The following CACNA2D1 variants were observed in gnomAD, a reference collection of about 807,000 sequenced individuals.
The protein encoded by CACNA2D1 is calcium voltage-gated channel auxiliary subunit alpha2delta 1.
In CACNA2D1, 53 loss-of-function variants were observed where a neutral mutation model predicts 171.5. The observed-to-expected ratio is 0.31, with a 90% CI of 0.25 to 0.39. The LOEUF (loss-of-function observed/expected upper bound fraction) is 0.39. CACNA2D1 is among the 10% of genes least tolerant of loss of function. The pLI, the probability that CACNA2D1 is intolerant of heterozygous loss-of-function variation, is 1.00. For missense variants in CACNA2D1, 903 were observed against 1,299.8 expected (o/e 0.69, Z 4.69); for synonymous variants, 442 against 443.1 (o/e 1.00, Z 0.03).
At chr7:82,072,327 T>G (rs1481685577) in intron 7 of CACNA2D1, among the ~76,000 whole-genome samples, 4 of 152,092 alleles carry the variant, frequency 2.6e-5, no homozygotes, top group Non-Finnish European at 4.4e-5. Context: ...ATCAAAATTA[T>G]ATACCTGCTA....
At chr7:82,048,436 T>G (rs998479901) in intron 10 of CACNA2D1, among the ~76,000 whole-genome samples, 1 of 152,146 alleles carries the variant, frequency 6.6e-6, no homozygotes, top group African/African-American at 2.4e-5. Context: ...AGTTTAGAAC[T>G]TATACAAATT....
chr7:82,353,869 A>G (rs1341629699), intron 1 of CACNA2D1, among the ~76,000 whole-genome samples: 1 of 152,114 alleles, frequency 6.6e-6, no homozygotes, highest in East Asian at 1.9e-4. Flanking sequence ...AGGAGAGAAC[A>G]TGTAATTTAT....
chr7:81,957,055 T>C (rs1163833352), intron 38 of CACNA2D1, among the ~76,000 whole-genome samples: 1 of 152,084 alleles, frequency 6.6e-6, no homozygotes, highest in African/African-American at 2.4e-5. Flanking sequence ...GTTATTTAAG[T>C]CAGATTTATT....
At chr7:81,964,172 C>A in intron 33 of CACNA2D1, 35 bp downstream of exon 33, 3 of 1,611,682 alleles carry the variant, frequency 1.9e-6, no homozygotes, top group Non-Finnish European at 2.5e-6. Flanking sequence ...CTTGAGTACC[C>A]CTTGAGAATT....
intron 1 of CACNA2D1, among the ~76,000 whole-genome samples, chr7:82,364,225 A>C (rs1413359363): frequency 1.3e-5 from 2 of 152,154 alleles, no homozygotes; most frequent in Non-Finnish European, 2.9e-5. Context: ...GTCAAAAAGA[A>C]AAAAAAAGTT....
At chr7:82,345,029 T>G (rs186276814) in intron 2 of CACNA2D1, among the ~76,000 whole-genome samples, 1 of 152,278 alleles carries the variant, frequency 6.6e-6, no homozygotes, top group Non-Finnish European at 1.5e-5. Flanking sequence ...TCTTGCTGAT[T>G]CCCTAGTCAG....
chr7:82,196,967 C>T (rs1429180672), intron 3 of CACNA2D1, among the ~76,000 whole-genome samples: 2 of 151,936 alleles, frequency 1.3e-5, no homozygotes, highest in African/African-American at 2.4e-5. Flanking sequence ...AGATTTTACA[C>T]TCTTCAATTT....
At position 82,012,135 on chromosome 7, in the gene CACNA2D1, G is replaced by C; in HGVS notation, c.1362+19C>G. On this transcript the variant is annotated intron_variant, in intron 15 of 38. Coordinates refer to ENST00000356860, the MANE Select transcript of CACNA2D1 (RefSeq NM_000722.4). ...GCTTTTGTTATGACAGTCTTTGACT[G>C]AATAGCTCAACCTCTTACCAATGCA... The C allele has an allele frequency of 5.8e-6, 8 of 1,387,460 alleles. No homozygotes were observed. Among genetic ancestry groups the C allele is most frequent in the Non-Finnish European group, 8.2e-6 (8 of 973,850 alleles). The allele number at this position is 1,387,460 out of a possible 1,614,324, so 85.9% of individuals were successfully genotyped here.
In CACNA2D1 at chr7:82,125,268, T is replaced by G. The variant is rs960828718; in HGVS notation, c.397-8095A>C. Among the ~76,000 whole-genome samples the G allele has an allele frequency of 3.9e-5, 6 of 152,334 alleles. No homozygotes were observed. The South Asian group carries it at 6.2e-4, about 16-fold the overall frequency. On this transcript the variant is annotated intron_variant, in intron 5 of 38. Transcript: ENST00000356860. ...ATGGGAATTCTAGGTTGAACTTACTTCATTTGAATTTTAGACAGATCTTGG... is the reference window on the plus strand; with the variant it reads ...ATGGGAATTCTAGGTTGAACTTACTGCATTTGAATTTTAGACAGATCTTGG...
intron 1 of CACNA2D1, among the ~76,000 whole-genome samples, chr7:82,385,691 ATCTC>A (rs1321931074): frequency 2.1e-5 from 3 of 139,794 alleles, no homozygotes; most frequent in African/African-American, 5.9e-5. Context: ...TTGAGACAGA[ATCTC>A]TCTCTGTCGC....
chr7:82,402,204 T>C (rs2129451934), intron 1 of CACNA2D1, among the ~76,000 whole-genome samples: 1 of 152,252 alleles, frequency 6.6e-6, no homozygotes, highest in South Asian at 2.1e-4. Context: ...AGGAACAGCA[T>C]ATGCAAAGTC....
intron 3 of CACNA2D1, among the ~76,000 whole-genome samples, chr7:82,305,265 T>A (rs1813574221): frequency 6.6e-6 from 1 of 152,136 alleles, no homozygotes; most frequent in Non-Finnish European, 1.5e-5. Flanking sequence ...TTAAAGTAAA[T>A]ATATAGAAAT....
chr7:82,309,096 C>T (rs1047964505), intron 3 of CACNA2D1, among the ~76,000 whole-genome samples: 1 of 152,056 alleles, frequency 6.6e-6, no homozygotes, highest in African/African-American at 2.4e-5. Context: ...CTTTGGTAAA[C>T]AAAGCTAGTT....
chr7:82,323,612 C>T (rs1320888873), intron 3 of CACNA2D1, among the ~76,000 whole-genome samples: 1 of 152,188 alleles, frequency 6.6e-6, no homozygotes, highest in Non-Finnish European at 1.5e-5. Flanking sequence ...AATTTCTTAA[C>T]AAGAGCCTCA....
chr7:82,041,047 G>A (rs1416990601), intron 10 of CACNA2D1, among the ~76,000 whole-genome samples: 3 of 48,000 alleles, frequency 6.3e-5, no homozygotes, highest in Non-Finnish European at 1.4e-4. Flanking sequence ...AGGCAGCCTT[G>A]GGTTGGGGGG....
At chr7:82,138,177 G>T (rs567274486) in intron 4 of CACNA2D1, among the ~76,000 whole-genome samples, 1 of 150,980 alleles carries the variant, frequency 6.6e-6, no homozygotes, top group African/African-American at 2.4e-5. Flanking sequence ...AAATCTGCCT[G>T]TTTTTGTTTG....
In CACNA2D1 at chr7:81,967,347, A is replaced by G; in HGVS notation, c.2464-140T>C. 4 of 754,010 alleles carry G rather than the reference A, an allele frequency of 5.3e-6. 1 individual carries two copies. The highest frequency in any genetic ancestry group is 3.4e-5 in the South Asian group (2 of 58,114). The allele number at this position is 754,010 out of a possible 1,614,324, so 46.7% of individuals were successfully genotyped here. On this transcript the variant is annotated intron_variant, in intron 30 of 38. Transcript: ENST00000356860. ...TAAACAGTCTAGTCTATAAGAAACA[A>G]AAGTTTTATCTTATTAGACAATGTC...
At chr7:82,082,468 GGTTT>G (rs754186006) in intron 7 of CACNA2D1, among the ~76,000 whole-genome samples, 75 of 151,928 alleles carry the variant, frequency 4.9e-4, no homozygotes, top group Non-Finnish European at 8.2e-4. Flanking sequence ...CATGTTGATT[GGTTT>G]GTAAGTATGC....
intron 3 of CACNA2D1, among the ~76,000 whole-genome samples, chr7:82,324,094 C>T (rs942183729): frequency 6.6e-6 from 1 of 152,116 alleles, no homozygotes; most frequent in South Asian, 2.1e-4. Context: ...TGGTGGCTCA[C>T]GCCTGTAATC....
Sources: allele counts gnomAD v4.1 joint callset (sites outside exome capture counted in the v4.1 genomes callset), GRCh38; gene constraint gnomAD v4.1.1; transcripts MANE v1.5; gene names NCBI Gene and HGNC (gene_info 2026-07-23, HGNC 2026-07-21).